Variants in UBN1 observed in about 807,000 individuals in gnomAD.
The protein encoded by UBN1 is ubinuclein-1.
UBN1 carries 17 observed loss-of-function variants against 108.5 expected under a neutral mutation model. The observed-to-expected ratio is 0.16, with a 90% confidence interval of 0.11 to 0.24. The LOEUF is 0.24. Ranked by LOEUF, UBN1 falls within the 10% of genes least tolerant of loss-of-function variation. UBN1 has a pLI of 1.00. For synonymous variants in UBN1, 726 were observed against 564.2 expected (o/e 1.29, Z -4.07); for missense variants, 1,595 against 1,394.4 (o/e 1.14, Z -2.29).
chr16:4,860,987 T>C lies in UBN1; in HGVS notation c.995T>C (p.Met332Thr), dbSNP rs140605207. Reference protein sequence around the residue: ...ESPEGSPFRDMDDGSDSLGVG... With the variant: ...ESPEGSPFRDTDDGSDSLGVG... Reference sequence around the variant, plus strand: ...CCAGAAGGAAGTCCCTTCCGAGATATGGATGATGGAAGTGATTCCCTTGGG... The same window carrying C: ...CCAGAAGGAAGTCCCTTCCGAGATACGGATGATGGAAGTGATTCCCTTGGG... Residue 332 changes from methionine to threonine, a missense_variant, in exon 7 of 18, where the codon ATG becomes ACG. By Grantham distance (81) the Met-to-Thr change is moderately conservative. Coordinates refer to ENST00000262376, the MANE Select transcript of UBN1 (RefSeq NM_001079514.3). 16 of 1,614,184 alleles carry C rather than the reference T, an allele frequency of 9.9e-6. No individual in the cohort carries two copies. The highest frequency in any genetic ancestry group is 3.3e-4 in the Middle Eastern group (2 of 6,062).
intron 7 of UBN1, among the ~76,000 whole-genome samples, chr16:4,868,527 GGGGTTAGTT>G (rs1297032871): frequency 6.6e-6 from 1 of 152,210 alleles, no homozygotes; most frequent in African/African-American, 2.4e-5. Flanking sequence ...TATGGGTGCA[GGGGTTAGTT>G]GGCCTTATTG....
intron 2 of UBN1, among the ~76,000 whole-genome samples, chr16:4,856,476 A>G (rs992461414): frequency 3.4e-4 from 52 of 152,242 alleles, no homozygotes; most frequent in African/African-American, 1.2e-3. Context: ...AAAACACTGT[A>G]CCAGCCTCAA....
chr16:4,870,788 G>A (rs967495376), intron 10 of UBN1, 56 bp from the exon 11 acceptor site: 42 of 1,608,138 alleles, frequency 2.6e-5, no homozygotes, highest in Non-Finnish European at 3.4e-5. Context: ...AGAGTGAGGG[G>A]AGAGGCGGTG....
intron 9 of UBN1, 86 bp from the exon 10 acceptor site, chr16:4,870,430 C>T (rs965201943): frequency 6.2e-7 from 1 of 1,609,310 alleles, no homozygotes; most frequent in Admixed American, 1.7e-5. Context: ...TGCTGCCCCA[C>T]TGCCTCCTTG....
chr16:4,875,769 C>G (rs1356313165), intron 15 of UBN1, among the ~76,000 whole-genome samples: 1 of 152,148 alleles, frequency 6.6e-6, no homozygotes, highest in East Asian at 1.9e-4. Flanking sequence ...CTCCATCTCT[C>G]TAAAGGGGGC....
intron 7 of UBN1, among the ~76,000 whole-genome samples, chr16:4,863,853 G>C (rs998479390): frequency 2.0e-5 from 3 of 152,122 alleles, no homozygotes; most frequent in Non-Finnish European, 4.4e-5. Flanking sequence ...AGGGCTTGGT[G>C]GTCTCAGGGC....
chr16:4,860,304 T>C (rs2087000265), intron 6 of UBN1, among the ~76,000 whole-genome samples: 1 of 152,240 alleles, frequency 6.6e-6, no homozygotes, highest in Non-Finnish European at 1.5e-5. Context: ...TCACTTGGTC[T>C]CACCCCAGCT....
rs770785446 is a variant in UBN1 at position 4,852,988 on chromosome 16, C to T, written c.71C>T (p.Ser24Phe). 1 of 1,614,158 alleles carries T rather than the reference C, an allele frequency of 6.2e-7. No individual in the cohort carries two copies. The highest frequency in any genetic ancestry group is 8.5e-7 in the Non-Finnish European group (1 of 1,180,036). Reference sequence around the variant, plus strand: ...CTGAATCCTGCGTTTTTGAAGAAGTCCCGGAAGGAGGAGGCTGGGGCAGGA... The same window carrying T: ...CTGAATCCTGCGTTTTTGAAGAAGTTCCGGAAGGAGGAGGCTGGGGCAGGA... ...GSLNPAFLKK[S>F]RKEEAGAGEQ... Residue 24 changes from serine (S) to phenylalanine (F), a missense_variant, in exon 2 of 18, where the codon TCC (serine) becomes TTC (phenylalanine). Ser to Phe is a radical substitution (Grantham distance 155). Around this residue, in one of 3 missense-constraint regions of UBN1, gnomAD observed 181 missense variants for 157.3 expected, o/e 1.15. Transcript: ENST00000262376.
rs1401400336 is a variant in UBN1 at position 4,847,625 on chromosome 16, T to G, written c.-625T>G. ...CCCCGGGTCTTGGACTCCGCGCCCCTCCCCTCTCGGCGCTTCCGTTACGCC... is the reference window on the plus strand; with the variant it reads ...CCCCGGGTCTTGGACTCCGCGCCCCGCCCCTCTCGGCGCTTCCGTTACGCC... On this transcript the variant is annotated 5_prime_UTR_variant, in exon 1 of 18. Coordinates refer to ENST00000262376, the MANE Select transcript of UBN1 (RefSeq NM_001079514.3). 2.9e-5 allele frequency: 8 copies of G among 276,152 alleles called. No homozygotes were observed. The highest frequency in any genetic ancestry group is 4.1e-5 in the Non-Finnish European group (6 of 147,096). 17.1% of individuals were successfully genotyped at this position (276,152 alleles called of 1,614,324 possible). A position where few individuals can be genotyped will look rare whatever the true frequency, so the allele number is the denominator to read the frequency against.
At chr16:4,870,773 A>C in intron 10 of UBN1, 71 bp from the exon 11 acceptor site, 3 of 1,603,446 alleles carry the variant, frequency 1.9e-6, no homozygotes, top group Non-Finnish European at 2.6e-6. Flanking sequence ...AAGTCCCAGT[A>C]GTGCAGAGTG....
intron 1 of UBN1, among the ~76,000 whole-genome samples, chr16:4,851,896 A>G (rs2086575136): frequency 6.6e-6 from 1 of 152,186 alleles, no homozygotes; most frequent in African/African-American, 2.4e-5. Flanking sequence ...AAATAACAAA[A>G]CAAGAAGAAG....
In UBN1 at chr16:4,858,020, G is replaced by C; in HGVS notation, c.280G>C (p.Glu94Gln). The change falls in exon 3 of 18, where the codon GAA becomes CAA. Residue 94 changes from glutamate to glutamine, a missense_variant. By Grantham distance (29) the Glu-to-Gln change is conservative. This residue lies in a region of UBN1 where 181 missense variants were observed against 157.3 expected (regional missense o/e 1.15). Transcript: ENST00000262376. ...KKDLSDPFND[E>Q]EKERHKVEAL... ...AGATCTGTCAGATCCTTTCAATGAC[G>C]AAGAAAAGGAAAGGCATAAAGTAGA... The C allele has an allele frequency of 1.2e-6, 2 of 1,613,110 alleles. No individual in the cohort carries two copies. Among genetic ancestry groups the C allele is most frequent in the South Asian group, 2.2e-5 (2 of 90,980 alleles).
chr16:4,871,722 G>A (rs1412146385), intron 12 of UBN1, among the ~76,000 whole-genome samples: 4 of 151,790 alleles, frequency 2.6e-5, no homozygotes, highest in Admixed American at 1.3e-4. Context: ...GAGTAGCTGG[G>A]ACTACAGGTG....
rs1658315803 is a variant in UBN1 at position 4,874,774 on chromosome 16, G to A, written c.2364G>A (p.Arg788=). ...QSKAKHHSLP[R]TSHGPQVAVP... ...AAGCTAAGCACCACAGCTTGCCACG[G>A]ACGTCTCACGGGCCCCAAGTGGCAG... The change falls in exon 15 of 18, where the codon CGG becomes CGA. Residue 788 remains arginine, a synonymous_variant. Coordinates refer to ENST00000262376, the MANE Select transcript of UBN1 (RefSeq NM_001079514.3). 1.2e-6 allele frequency: 2 copies of A among 1,614,080 alleles called. No individual in the cohort carries two copies. Among genetic ancestry groups the A allele is most frequent in the South Asian group, 2.2e-5 (2 of 91,082 alleles).
rs756763945 is a variant in UBN1 at position 4,853,176 on chromosome 16, T to C, written c.249+10T>C. On this transcript the variant is annotated intron_variant, in intron 2 of 17. Transcript: ENST00000262376. ...TCAGCCTGGAGATAAGGTACACCCC[T>C]TTGTTCCCAGAGGCGCTGCAGGTTT... 2 of 1,613,574 alleles carry C rather than the reference T, an allele frequency of 1.2e-6. No individual in the cohort carries two copies. The highest frequency in any genetic ancestry group is 2.7e-5 in the African/African-American group (2 of 74,906).
chr16:4,872,201 G>A (rs1174322345), intron 12 of UBN1: 6 of 985,230 alleles, frequency 6.1e-6, no homozygotes, highest in Non-Finnish European at 7.2e-6. Flanking sequence ...GGACTCATAC[G>A]AAGAACGTTT....
intron 12 of UBN1, among the ~76,000 whole-genome samples, chr16:4,872,578 C>G (rs770082962): frequency 8.5e-5 from 13 of 152,236 alleles, no homozygotes; most frequent in Non-Finnish European, 1.5e-5. Context: ...GAGCGAATCT[C>G]CTGCCTCAGC....
rs546547390 is a variant in UBN1, at chr16:4,865,382, A to G, written c.1111-3451A>G. Among the ~76,000 whole-genome samples, 9 of 152,328 alleles carry G rather than the reference A, an allele frequency of 5.9e-5. No homozygotes were observed. In the East Asian group the frequency reaches 9.6e-4, roughly 16 times the overall value. On this transcript the variant is annotated intron_variant, in intron 7 of 17. Transcript: ENST00000262376. ...CTTCTGAAATATTGTACAAGTGGCT[A>G]TCTAAACAGAAAATTTGGCAGGGCG...
chr16:4,847,601 C>T lies in UBN1; in HGVS notation c.-649C>T, dbSNP rs2086257806. The T allele has an allele frequency of 5.8e-6, 2 of 343,334 alleles. No individual in the cohort carries two copies. Among genetic ancestry groups the T allele is most frequent in the Non-Finnish European group, 1.1e-5 (2 of 188,216 alleles). 21.3% of individuals were successfully genotyped at this position (343,334 alleles called of 1,614,324 possible). ...AGCCGGCCTCGCGGCTCGCCCCGCC[C>T]CCGGGTCTTGGACTCCGCGCCCCTC... On this transcript the variant is annotated 5_prime_UTR_variant, in exon 1 of 18. Transcript: ENST00000262376.
Sources: gnomAD v4.1 joint callset for allele counts (sites outside exome capture counted in the v4.1 genomes callset) on GRCh38, gnomAD v4.1.1 for gene constraint, gnomAD v4.1.1 regional missense constraint, MANE v1.5 for transcripts, NCBI Gene and HGNC (gene_info 2026-07-23, HGNC 2026-07-21) for gene names.